IGF1R: variants seen among roughly 807,000 people sequenced by gnomAD.
The protein encoded by IGF1R is insulin-like growth factor 1 receptor.
A neutral mutation model predicts 144.6 loss-of-function variants in IGF1R; 44 were observed. That is an observed-to-expected ratio of 0.30 (90% CI 0.24 to 0.39). The LOEUF is 0.39. Among genes scored for constraint, IGF1R ranks in the 10% least tolerant of loss-of-function variants. IGF1R has a pLI of 1.00. For missense variants in IGF1R, 1,355 were observed against 1,833.7 expected (o/e 0.74, Z 4.77); for synonymous variants, 795 against 722.8 (o/e 1.10, Z -1.60).
intron 1 of IGF1R, among the ~76,000 whole-genome samples, chr15:98,661,539 G>A (rs984956454): frequency 2.6e-5 from 4 of 152,242 alleles, no homozygotes; most frequent in African/African-American, 7.2e-5. Flanking sequence ...AAATTCTCAT[G>A]TGAATGCTGA....
chr15:98,952,330 A>ACACACT (rs1264640788), intron 20 of IGF1R, among the ~76,000 whole-genome samples: 1 of 151,200 alleles, frequency 6.6e-6, no homozygotes, highest in African/African-American at 2.4e-5. Flanking sequence ...ACACACACAC[A>ACACACT]CTGCCCCTCA....
At chr15:98,877,517 CAA>C (rs34247695) in intron 2 of IGF1R, among the ~76,000 whole-genome samples, 4 of 93,878 alleles carry the variant, frequency 4.3e-5, no homozygotes, top group South Asian at 3.4e-4. Context: ...TTTTTTTCCC[CAA>C]AAAATTTGCT....
At chr15:98,840,794 A>G (rs563474451) in intron 2 of IGF1R, among the ~76,000 whole-genome samples, 3 of 146,416 alleles carry the variant, frequency 2.0e-5, no homozygotes, top group Admixed American at 6.8e-5. Flanking sequence ...TCCTGCCTCA[A>G]CCTCCCGAGT....
chr15:98,691,888 T>A (rs1238439208), intron 1 of IGF1R, among the ~76,000 whole-genome samples: 4 of 152,182 alleles, frequency 2.6e-5, no homozygotes, highest in African/African-American at 9.7e-5. Context: ...TTATAGGCAT[T>A]TGTATTTTTT....
intron 2 of IGF1R, among the ~76,000 whole-genome samples, chr15:98,805,967 T>C (rs2056462481): frequency 1.3e-5 from 2 of 152,172 alleles, no homozygotes; most frequent in South Asian, 2.1e-4. Context: ...GAGTCTGCCC[T>C]TGCTGCAGAT....
At chr15:98,928,808 A>T (rs2015827140) in intron 13 of IGF1R, among the ~76,000 whole-genome samples, 1 of 152,216 alleles carries the variant, frequency 6.6e-6, no homozygotes, top group East Asian at 1.9e-4. Context: ...CATCTGCCAT[A>T]CAAGTGCTGG....
chr15:98,936,705 A>G lies in IGF1R; in HGVS notation c.3297+1279A>G, dbSNP rs563158593. Among the ~76,000 whole-genome samples, 56 of 152,006 alleles carry G rather than the reference A, an allele frequency of 3.7e-4. No homozygotes were observed. In the Middle Eastern group the frequency reaches 0.024, roughly 66 times the overall value. On this transcript the variant is annotated intron_variant, in intron 17 of 20. Transcript: ENST00000650285. ...ATTTTAGTTCCAAACACCTGTTCAC[A>G]TATGACTTCATGTATTTGCAGCACA...
At chr15:98,804,796 C>T (rs2056437209) in intron 2 of IGF1R, among the ~76,000 whole-genome samples, 1 of 152,192 alleles carries the variant, frequency 6.6e-6, no homozygotes, top group African/African-American at 2.4e-5. Flanking sequence ...ATCCCCAGTT[C>T]AAGCAATTCT....
At chr15:98,860,197 C>T (rs1400781395) in intron 2 of IGF1R, among the ~76,000 whole-genome samples, 1 of 152,250 alleles carries the variant, frequency 6.6e-6, no homozygotes, top group African/African-American at 2.4e-5. Context: ...TGAAATGGCA[C>T]ACCGTTTCTT....
At chr15:98,911,628 G>C (rs1341221283) in intron 7 of IGF1R, among the ~76,000 whole-genome samples, 187 bp downstream of exon 7, 1 of 152,200 alleles carries the variant, frequency 6.6e-6, no homozygotes, top group Non-Finnish European at 1.5e-5. Context: ...GTCAGTCACA[G>C]CCAGTGACAG....
intron 2 of IGF1R, among the ~76,000 whole-genome samples, chr15:98,721,460 C>T (rs2054244453): frequency 6.6e-6 from 1 of 152,168 alleles, no homozygotes; most frequent in East Asian, 1.9e-4. Context: ...GGGCTTGACC[C>T]CACTTAGTGT....
rs150934245 is a variant in IGF1R, at chr15:98,733,356, G to A, written c.640+25249G>A. On this transcript the variant is annotated intron_variant, in intron 2 of 20. Transcript: ENST00000650285. Reference sequence around the variant, plus strand: ...CTGCCTCAGCCTCCTGCGTGGTTGGGACTATAGGTGCATACCCCCATGCCT... The same window carrying A: ...CTGCCTCAGCCTCCTGCGTGGTTGGAACTATAGGTGCATACCCCCATGCCT... Among the ~76,000 whole-genome samples, 415 of 152,248 alleles carry A rather than the reference G, an allele frequency of 2.7e-3. 4 individuals carry two copies. Among genetic ancestry groups the A allele is most frequent in the Non-Finnish European group, 4.9e-3 (333 of 68,024 alleles).
intron 2 of IGF1R, among the ~76,000 whole-genome samples, chr15:98,727,910 C>T (rs1052665520): frequency 6.6e-6 from 1 of 151,726 alleles, no homozygotes; most frequent in African/African-American, 2.4e-5. Context: ...TGTTGCAGAT[C>T]TGGCCTGCCG....
At position 98,924,526 on chromosome 15, in the gene IGF1R, A is replaced by T; in HGVS notation, c.2624A>T (p.Asp875Val). The T allele has an allele frequency of 6.2e-7, 1 of 1,614,140 alleles. No homozygotes were observed. Among genetic ancestry groups the T allele is most frequent in the Non-Finnish European group, 8.5e-7 (1 of 1,180,000 alleles). The change falls in exon 13 of 21, where the codon GAT becomes GTT. Residue 875 changes from aspartate (D) to valine (V), a missense_variant and splice_region_variant. Coordinates refer to ENST00000650285, the MANE Select transcript of IGF1R (RefSeq NM_000875.5). ...GACATGTATGTTTTATTTCCCCAGGATCAGCGAGAATGTGTGTCCAGACAG... is the reference window on the plus strand; with the variant it reads ...GACATGTATGTTTTATTTCCCCAGGTTCAGCGAGAATGTGTGTCCAGACAG... ...YEIKYGSQVE[D>V]QRECVSRQEY...
At chr15:98,826,823 G>A (rs561127434) in intron 2 of IGF1R, among the ~76,000 whole-genome samples, 1 of 152,322 alleles carries the variant, frequency 6.6e-6, no homozygotes, top group East Asian at 1.9e-4. Context: ...TTTTGTTGCT[G>A]ACAAGTATAT....
chr15:98,859,079 GA>G lies in IGF1R; in HGVS notation c.641-32232del, dbSNP rs201512808. Reference sequence around the variant, plus strand: ...CAAGAAGTAAAATGTCATAATGGAGGAAAAAAAAAAAAAAGTCCAAACTTTT... The same window carrying G: ...CAAGAAGTAAAATGTCATAATGGAGGAAAAAAAAAAAAAGTCCAAACTTTT... On this transcript the variant is annotated intron_variant, in intron 2 of 20. Coordinates refer to ENST00000650285, the MANE Select transcript of IGF1R (RefSeq NM_000875.5). Among the ~76,000 whole-genome samples the G allele has an allele frequency of 6.0e-3, 803 of 133,428 alleles. 4 individuals carry two copies. The highest frequency in any genetic ancestry group is 0.016 in the African/African-American group (570 of 36,436). The allele number at this position is 133,428 out of a possible 152,430, so 87.5% of individuals were successfully genotyped here.
chr15:98,752,653 C>T lies in IGF1R; in HGVS notation c.640+44546C>T, dbSNP rs567882241. Among the ~76,000 whole-genome samples, 27 of 150,792 alleles carry T rather than the reference C, an allele frequency of 1.8e-4. 1 individual carries two copies. The South Asian group carries it at 5.7e-3, about 32-fold the overall frequency. On this transcript the variant is annotated intron_variant, in intron 2 of 20. Coordinates refer to ENST00000650285, the MANE Select transcript of IGF1R (RefSeq NM_000875.5). ...AGCGGAGATTGTGCCACTTGCACTC[C>T]AGCCTGGGCGACAGAGCGAGACTCC...
chr15:98,771,335 T>G (rs966818574), intron 2 of IGF1R, among the ~76,000 whole-genome samples: 1 of 152,178 alleles, frequency 6.6e-6, no homozygotes, highest in African/African-American at 2.4e-5. Context: ...TTCCTGTACA[T>G]TGTCTTCCTC....
At chr15:98,876,820 T>C (rs1291098269) in intron 2 of IGF1R, among the ~76,000 whole-genome samples, 3 of 152,234 alleles carry the variant, frequency 2.0e-5, no homozygotes, top group Non-Finnish European at 4.4e-5. Flanking sequence ...AATGTATGAT[T>C]ATCTGGGATA....
Sources: allele counts gnomAD v4.1 joint callset (sites outside exome capture counted in the v4.1 genomes callset), GRCh38; gene constraint gnomAD v4.1.1; transcripts MANE v1.5; gene names NCBI Gene and HGNC (gene_info 2026-07-23, HGNC 2026-07-21).